PCDHGA6: variants seen among roughly 807,000 people sequenced by gnomAD.
PCDHGA6 encodes the protein protocadherin gamma subfamily A, 6, also known as protocadherin gamma-A6.
Under a neutral mutation model 60.6 loss-of-function variants are expected in PCDHGA6, and 41 were observed. The observed-to-expected ratio is 0.68, with a 90% CI of 0.53 to 0.88. PCDHGA6 has a LOEUF of 0.88. Among genes scored for constraint, PCDHGA6 ranks in the 40% least tolerant of loss-of-function variants. The probability of loss-of-function intolerance (pLI) is 0.00; values close to 1 mark genes in which losing one functional copy is unlikely to be tolerated. For missense variants in PCDHGA6, 1,312 were observed against 1,203.0 expected, an observed-to-expected ratio of 1.09 and a Z score of -1.34; for synonymous variants, 594 against 524.4, an observed-to-expected ratio of 1.13 and a Z score of -1.81.
chr5:141,455,037 C>T (rs1251627513), intron 1 of PCDHGA6, among the ~76,000 whole-genome samples: 1 of 151,744 alleles, frequency 6.6e-6, no homozygotes, highest in Non-Finnish European at 1.5e-5. Flanking sequence ...TGGTCTCGAT[C>T]TCCTGACCTC....
Position 141,511,212 on chromosome 5 carries a change from C to T in PCDHGA6, c.*39C>T. ...CCAAGAGCCACAGGGCGGCCTCTCC[C>T]CAACCAGCCCAGCTTCTCCTTACCT... is the stretch of plus-strand genomic sequence containing the variant. On this transcript the variant is annotated 3_prime_UTR_variant, in exon 4 of 4. Coordinates refer to ENST00000517434, the MANE Select transcript of PCDHGA6 (RefSeq NM_018919.3). 6.2e-7 allele frequency: 1 copy of T among 1,608,656 alleles called. No individual in the cohort carries two copies. Among genetic ancestry groups the T allele is most frequent in the Non-Finnish European group, 8.5e-7 (1 of 1,177,502 alleles).
intron 1 of PCDHGA6, chr5:141,428,099 C>T: frequency 6.8e-6 from 11 of 1,608,710 alleles, no homozygotes; most frequent in East Asian, 2.2e-5. Context: ...TGTCCTACCA[C>T]GTGCTGCAGG....
intron 1 of PCDHGA6, chr5:141,399,985 G>A (rs775731140): frequency 6.2e-7 from 1 of 1,612,396 alleles, no homozygotes; most frequent in South Asian, 1.1e-5. Flanking sequence ...GCTGCGCACA[G>A]GAGAGGTGCG....
At chr5:141,478,412 TC>T in intron 1 of PCDHGA6, 2 of 1,611,958 alleles carry the variant, frequency 1.2e-6, no homozygotes, top group Non-Finnish European at 1.7e-6. Flanking sequence ...CACCACGGAC[TC>T]CCGCCGCAGC....
At chr5:141,483,797 G>GCTGCTTTT (rs1255394691) in intron 1 of PCDHGA6, among the ~76,000 whole-genome samples, 3 of 152,174 alleles carry the variant, frequency 2.0e-5, no homozygotes, top group Non-Finnish European at 4.4e-5. Context: ...TCCAGTTGTT[G>GCTGCTTTT]CTGCTTTTTT....
In PCDHGA6 at chr5:141,432,293, G is replaced by T. The variant is rs765631138; in HGVS notation, c.2424+55786G>T. ...CTACGTGTCCATCAACTCCGACACT[G>T]GGGTACTGTATGCGCTGAGCTCCTT... On this transcript the variant is annotated intron_variant, in intron 1 of 3. Coordinates refer to ENST00000517434, the MANE Select transcript of PCDHGA6 (RefSeq NM_018919.3). The surrounding 1 kb of genome is among the most constrained non-coding windows in gnomAD (Gnocchi z 6.0). 1.2e-6 allele frequency: 2 copies of T among 1,614,136 alleles called. No individual in the cohort carries two copies. Among genetic ancestry groups the T allele is most frequent in the African/African-American group, 1.3e-5 (1 of 74,950 alleles).
In PCDHGA6 at chr5:141,466,692, A is replaced by G. The variant is rs185786515; in HGVS notation, c.2425-28115A>G. Among the ~76,000 whole-genome samples the G allele has an allele frequency of 3.0e-4, 46 of 152,280 alleles. 1 individual carries two copies. The highest frequency in any genetic ancestry group is 1.0e-3 in the African/African-American group (43 of 41,558). On this transcript the variant is annotated intron_variant, in intron 1 of 3. Coordinates refer to ENST00000517434, the MANE Select transcript of PCDHGA6 (RefSeq NM_018919.3). ...ACCGTTCTTCCACTCAAGCTTCATCATAAATTTGATGTCTGTTCTTGTTTC... is the reference window on the plus strand; with the variant it reads ...ACCGTTCTTCCACTCAAGCTTCATCGTAAATTTGATGTCTGTTCTTGTTTC...
intron 2 of PCDHGA6, among the ~76,000 whole-genome samples, chr5:141,505,146 A>G (rs2099844101): frequency 6.6e-6 from 1 of 152,190 alleles, no homozygotes; most frequent in Non-Finnish European, 1.5e-5. Flanking sequence ...TGGATGACAG[A>G]GTAAGACCCT....
At chr5:141,386,087 A>G (rs1331014845) in intron 1 of PCDHGA6, 2 of 152,268 alleles carry the variant, frequency 1.3e-5, no homozygotes, top group Non-Finnish European at 2.9e-5. Context: ...TGGTACAGCC[A>G]GATGAAGTGT....
intron 1 of PCDHGA6, among the ~76,000 whole-genome samples, chr5:141,433,395 CTATCTA>C (rs1561869588): frequency 2.0e-5 from 3 of 150,654 alleles, no homozygotes; most frequent in African/African-American, 7.3e-5. Flanking sequence ...ATCTATCTAT[CTATCTA>C]TCTATTACTT....
At chr5:141,419,916 C>T in intron 1 of PCDHGA6, 1 of 1,614,080 alleles carries the variant, frequency 6.2e-7, no homozygotes, top group Non-Finnish European at 8.5e-7. Context: ...GACTCCCAGG[C>T]TGAGATGCAG....
At position 141,489,632 on chromosome 5, in the gene PCDHGA6, C is replaced by T; in HGVS notation, c.2425-5175C>T. 6.2e-7 allele frequency: 1 copy of T among 1,614,138 alleles called. No homozygotes were observed. Among genetic ancestry groups the T allele is most frequent in the Non-Finnish European group, 8.5e-7 (1 of 1,180,010 alleles). Reference sequence around the variant, plus strand: ...ATCCTGGATCTCAATGACAACTCTCCTAGCTTTGCCACCCCTGAGCGAGAG... The same window carrying T: ...ATCCTGGATCTCAATGACAACTCTCTTAGCTTTGCCACCCCTGAGCGAGAG... On this transcript the variant is annotated intron_variant, in intron 1 of 3. Transcript: ENST00000517434. The surrounding 1 kb of genome is among the most constrained non-coding windows in gnomAD (Gnocchi z 4.5).
At position 141,511,345 on chromosome 5, in the gene PCDHGA6, T is replaced by A; in HGVS notation, c.*172T>A. The A allele has an allele frequency of 7.8e-6, 11 of 1,410,508 alleles. No individual in the cohort carries two copies. The highest frequency in any genetic ancestry group is 1.0e-5 in the Non-Finnish European group (11 of 1,060,682). 87.4% of individuals were successfully genotyped at this position (1,410,508 alleles called of 1,614,324 possible). ...AAGTGCCCAGTCAGCACCTACCCCT[T>A]CCCCCCCAGGGGGTTGAATATGCAA... On this transcript the variant is annotated 3_prime_UTR_variant, in exon 4 of 4. Transcript: ENST00000517434.
rs549557253 is a variant in PCDHGA6 at position 141,503,310 on chromosome 5, T to C, written c.2484-2083T>C. 2.6e-5 allele frequency among the ~76,000 whole-genome samples: 4 copies of C among 152,176 alleles called. No homozygotes were observed. The East Asian group carries it at 7.7e-4, about 29-fold the overall frequency. On this transcript the variant is annotated intron_variant, in intron 2 of 3. Coordinates refer to ENST00000517434, the MANE Select transcript of PCDHGA6 (RefSeq NM_018919.3). ...TACATAGAAATTGCTCAAGAAAGAA[T>C]TGTTGGAGGGGCGCGGTGGCTCACG...
intron 1 of PCDHGA6, chr5:141,478,160 G>GC (rs764598056): frequency 3.7e-6 from 6 of 1,613,948 alleles, no homozygotes. Flanking sequence ...CTCTGGCTCT[G>GC]CCCCCCGGGA....
At chr5:141,427,808 G>C (rs756554301) in intron 1 of PCDHGA6, 1 of 1,522,948 alleles carries the variant, frequency 6.6e-7, no homozygotes, top group Non-Finnish European at 9.0e-7. Context: ...TGAGCGCACA[G>C]AGCGGGGTGG....
chr5:141,401,215 G>A (rs371927686), intron 1 of PCDHGA6, among the ~76,000 whole-genome samples: 9 of 152,158 alleles, frequency 5.9e-5, no homozygotes, highest in African/African-American at 9.6e-5. Context: ...GGTGGCGGGC[G>A]CCTGTAATCC....
rs146273580 is a variant in PCDHGA6 at position 141,382,696 on chromosome 5, A to C, written c.2424+6189A>C. 2.9e-3 allele frequency: 1,317 copies of C among 455,920 alleles called. 5 individuals are homozygous for C. The highest frequency in any genetic ancestry group is 2.7e-3 in the Non-Finnish European group (706 of 261,386). 28.2% of individuals were successfully genotyped at this position (455,920 alleles called of 1,614,324 possible). A position where few individuals can be genotyped will look rare whatever the true frequency, so the allele number is the denominator to read the frequency against. ...TCACCAACCAGGGAAAAATGGTGCG[A>C]GAGATCCCACAGAAACCACCGAGTT... On this transcript the variant is annotated intron_variant, in intron 1 of 3. Transcript: ENST00000517434.
At chr5:141,507,380 C>G (rs984406173) in intron 3 of PCDHGA6, 1 of 151,954 alleles carries the variant, frequency 6.6e-6, no homozygotes, top group African/African-American at 2.4e-5. Flanking sequence ...CTTTTATTTA[C>G]TAAATCTGGC....
Sources: gnomAD v4.1 joint callset for allele counts (sites outside exome capture counted in the v4.1 genomes callset) on GRCh38, gnomAD v4.1.1 for gene constraint, Gnocchi (gnomAD v3.1) non-coding constraint, MANE v1.5 for transcripts, NCBI Gene and HGNC (gene_info 2026-07-23, HGNC 2026-07-21) for gene names.